Variants in GRIK3 observed in about 807,000 individuals in gnomAD.
The protein encoded by GRIK3 is glutamate receptor ionotropic, kainate 3.
A neutral mutation model predicts 102.5 loss-of-function variants in GRIK3; 29 were observed. The ratio of observed to expected loss-of-function variants is 0.28; its 90% confidence interval spans 0.21 to 0.39. GRIK3 has a LOEUF of 0.39. Ranked by LOEUF, GRIK3 falls within the 10% of genes least tolerant of loss-of-function variation. The probability of loss-of-function intolerance (pLI) is 1.00; values close to 1 mark genes in which losing one functional copy is unlikely to be tolerated. For synonymous variants in GRIK3, 511 were observed against 504.9 expected, an observed-to-expected ratio of 1.01 and a Z score of -0.16; for missense variants, 908 against 1,252.4, an observed-to-expected ratio of 0.73 and a Z score of 4.15.
intron 10 of GRIK3, among the ~76,000 whole-genome samples, chr1:36,830,201 G>A (rs972636082): frequency 6.6e-5 from 10 of 152,152 alleles, no homozygotes; most frequent in South Asian, 2.1e-4. Context: ...CAACATCCTC[G>A]TCATATTCCA....
At chr1:36,864,961 AC>A (rs1640766916) in intron 5 of GRIK3, among the ~76,000 whole-genome samples, 1 of 152,102 alleles carries the variant, frequency 6.6e-6, no homozygotes, top group Non-Finnish European at 1.5e-5. Context: ...AAATGTTGAC[AC>A]ACTGAATTCA....
At chr1:36,954,515 G>A (rs1294357787) in intron 1 of GRIK3, among the ~76,000 whole-genome samples, 1 of 152,238 alleles carries the variant, frequency 6.6e-6, no homozygotes, top group Non-Finnish European at 1.5e-5. Flanking sequence ...CCAGGGTTCT[G>A]GGCAAGGCAG....
rs377626725 is a variant in GRIK3 at position 36,994,812 on chromosome 1, C to T, written c.115+39182G>A. On this transcript the variant is annotated intron_variant, in intron 1 of 15. Transcript: ENST00000373091. ...GCAAAAAAAATAACAATAATAAAAA[C>T]GAAAGAACTCTAAATTTTTTAACAC... 1.2e-4 allele frequency among the ~76,000 whole-genome samples: 19 copies of T among 152,240 alleles called. No homozygotes were observed. The South Asian group carries it at 1.5e-3, about 12-fold the overall frequency.
chr1:36,862,427 T>C (rs1008958183), intron 5 of GRIK3, among the ~76,000 whole-genome samples: 2 of 152,188 alleles, frequency 1.3e-5, no homozygotes, highest in Non-Finnish European at 2.9e-5. Context: ...GCATCAGAGC[T>C]GTCTTTGGGG....
chr1:37,026,969 C>A (rs748450959), intron 1 of GRIK3, among the ~76,000 whole-genome samples: 1 of 152,026 alleles, frequency 6.6e-6, no homozygotes, highest in Non-Finnish European at 1.5e-5. Context: ...CATTCTGTTT[C>A]TTGGAAGTGA....
At chr1:36,894,240 A>G (rs985979186) in intron 1 of GRIK3, among the ~76,000 whole-genome samples, 2 of 152,184 alleles carry the variant, frequency 1.3e-5, no homozygotes, top group African/African-American at 4.8e-5. Flanking sequence ...TTTCATATAA[A>G]TGGAATCATG....
At chr1:36,875,880 G>T (rs991216808) in intron 3 of GRIK3, among the ~76,000 whole-genome samples, 6 of 152,210 alleles carry the variant, frequency 3.9e-5, no homozygotes, top group African/African-American at 1.4e-4. Context: ...CATTCTAAAA[G>T]AACTGTGATT....
At chr1:36,879,961 C>T (rs1392178835) in intron 3 of GRIK3, among the ~76,000 whole-genome samples, 1 of 152,112 alleles carries the variant, frequency 6.6e-6, no homozygotes, top group Non-Finnish European at 1.5e-5. Context: ...CAGAGCTGGG[C>T]ACGTGCAGGT....
intron 10 of GRIK3, 95 bp from the exon 11 acceptor site, chr1:36,825,921 G>C: frequency 5.7e-6 from 5 of 882,862 alleles, no homozygotes; most frequent in Non-Finnish European, 8.8e-6. Flanking sequence ...TGAGGGTGAA[G>C]TCAGTTGTCC....
intron 1 of GRIK3, among the ~76,000 whole-genome samples, chr1:36,982,632 C>T (rs1055295740): frequency 2.6e-5 from 4 of 152,160 alleles, no homozygotes; most frequent in South Asian, 2.1e-4. Context: ...GGAAAGTCCC[C>T]GCCCTCAGCC....
At chr1:37,002,928 A>G (rs755202504) in intron 1 of GRIK3, among the ~76,000 whole-genome samples, 2 of 151,972 alleles carry the variant, frequency 1.3e-5, no homozygotes, top group African/African-American at 2.4e-5. Flanking sequence ...GGTGTGAGCC[A>G]CTGCACGGCC....
At chr1:36,811,286 A>G (rs2124182972) in intron 13 of GRIK3, among the ~76,000 whole-genome samples, 1 of 152,258 alleles carries the variant, frequency 6.6e-6, no homozygotes, top group South Asian at 2.1e-4. Flanking sequence ...TATGGCACTT[A>G]AAGGGGTAAA....
At chr1:36,949,568 CTCTT>C (rs779444878) in intron 1 of GRIK3, among the ~76,000 whole-genome samples, 182 of 143,388 alleles carry the variant, frequency 1.3e-3, no homozygotes, top group Non-Finnish European at 1.4e-3. Context: ...TTCTCTCTCT[CTCTT>C]TCTTTTTTTT....
chr1:36,833,891 G>A (rs942542363), intron 10 of GRIK3, among the ~76,000 whole-genome samples: 1 of 152,120 alleles, frequency 6.6e-6, no homozygotes, highest in African/African-American at 2.4e-5. Context: ...ACTGCTGCTG[G>A]TGAAGGCAAC....
chr1:36,908,838 A>G (rs186240254), intron 1 of GRIK3, among the ~76,000 whole-genome samples: 3 of 151,920 alleles, frequency 2.0e-5, no homozygotes, highest in African/African-American at 4.8e-5. Context: ...GAGTCCCAGA[A>G]GACGTGAGCA....
Position 36,859,841 on chromosome 1 carries a change from T to C in GRIK3, c.960+3A>G, listed in dbSNP as rs755958842. ...TGGAATTCACCTCACCCAGCCGCCTTACCATCATCACTCCATCCAGCAGGC... is the reference window on the plus strand; with the variant it reads ...TGGAATTCACCTCACCCAGCCGCCTCACCATCATCACTCCATCCAGCAGGC... On this transcript the variant is annotated splice_donor_region_variant and intron_variant, in intron 6 of 15. Transcript: ENST00000373091. The C allele has an allele frequency of 1.9e-6, 3 of 1,612,238 alleles. No individual in the cohort carries two copies. In the South Asian group the frequency reaches 3.3e-5, roughly 18 times the overall value.
chr1:36,824,065 C>T (rs565871778), intron 11 of GRIK3, among the ~76,000 whole-genome samples: 1 of 152,162 alleles, frequency 6.6e-6, no homozygotes, highest in Non-Finnish European at 1.5e-5. Context: ...CCTCTCTTCT[C>T]AGGGGTCTCC....
chr1:36,801,816 A>C lies in GRIK3; in HGVS notation c.*35T>G. The C allele has an allele frequency of 6.5e-7, 1 of 1,539,528 alleles. No individual in the cohort carries two copies. The highest frequency in any genetic ancestry group is 8.8e-7 in the Non-Finnish European group (1 of 1,137,096). On this transcript the variant is annotated 3_prime_UTR_variant, in exon 16 of 16. Coordinates refer to ENST00000373091, the MANE Select transcript of GRIK3 (RefSeq NM_000831.4). ...CAATCTCCTTTGCTTTCCTCTGCCC[A>C]GCCCCCAGGCCTGAGGTCCCCACCC...
intron 1 of GRIK3, among the ~76,000 whole-genome samples, chr1:36,972,045 A>G (rs1199783557): frequency 2.0e-5 from 3 of 152,194 alleles, no homozygotes; most frequent in African/African-American, 7.2e-5. Context: ...TGAATCACGG[A>G]GCCAGGCAGG....
Sources: gnomAD v4.1 joint callset for allele counts (sites outside exome capture counted in the v4.1 genomes callset) on GRCh38, gnomAD v4.1.1 for gene constraint, MANE v1.5 for transcripts, NCBI Gene and HGNC (gene_info 2026-07-23, HGNC 2026-07-21) for gene names.